The following LRRC7 variants were observed in gnomAD, a reference collection of about 807,000 sequenced individuals.
The protein encoded by LRRC7 is leucine rich repeat containing 7, also known as leucine-rich repeat-containing protein 7.
A neutral mutation model predicts 175.7 loss-of-function variants in LRRC7; 23 were observed. The observed-to-expected ratio is 0.13, with a 90% CI of 0.09 to 0.19. The LOEUF (loss-of-function observed/expected upper bound fraction) is 0.19. Ranked by LOEUF, LRRC7 falls within the 10% of genes least tolerant of loss-of-function variation. LRRC7 has a pLI of 1.00. For synonymous variants in LRRC7, 685 were observed against 680.9 expected (o/e 1.01, Z -0.09); for missense variants, 1,354 against 1,904.7 (o/e 0.71, Z 5.38).
In LRRC7 at chr1:70,016,466, T is replaced by C. The variant is rs780487431; in HGVS notation, c.1252T>C (p.Leu418=). The part of the protein sequence containing the change: ...LRVLNLSDNR[L]KNLPFSFTKL... ...ATTAGACTTTTTGTGTTTTTGCAGA[T>C]TGAAGAATTTACCATTCTCATTTAC... Residue 418 remains leucine, a splice_region_variant and synonymous_variant, in exon 14 of 27, where the codon TTG becomes CTG. Coordinates refer to ENST00000651989, the MANE Select transcript of LRRC7 (RefSeq NM_001370785.2). 1.2e-5 allele frequency: 19 copies of C among 1,581,816 alleles called. No individual in the cohort carries two copies. The highest frequency in any genetic ancestry group is 3.7e-5 in the Admixed American group (2 of 54,252).
At chr1:69,984,882 A>G (rs1045937715) in intron 9 of LRRC7, among the ~76,000 whole-genome samples, 1 of 152,208 alleles carries the variant, frequency 6.6e-6, no homozygotes, top group African/African-American at 2.4e-5. Flanking sequence ...TTCACGTGAC[A>G]TAGAAACCCT....
intron 2 of LRRC7, among the ~76,000 whole-genome samples, chr1:69,740,912 C>T (rs537630954): frequency 2.0e-5 from 3 of 151,970 alleles, no homozygotes; most frequent in African/African-American, 7.2e-5. Flanking sequence ...AGCTAATACC[C>T]TAAACAGAGC....
intron 2 of LRRC7, among the ~76,000 whole-genome samples, chr1:69,733,236 T>C (rs891543210): frequency 1.3e-5 from 2 of 151,972 alleles, no homozygotes; most frequent in Non-Finnish European, 2.9e-5. Context: ...TCAGAGCTCT[T>C]TAATGGAATT....
chr1:69,906,716 T>G (rs1646326089), intron 7 of LRRC7, among the ~76,000 whole-genome samples: 1 of 152,190 alleles, frequency 6.6e-6, no homozygotes, highest in Non-Finnish European at 1.5e-5. Flanking sequence ...TTTGTTCTTT[T>G]GGCTTAGGAT....
chr1:69,644,203 G>A (rs777179035), intron 1 of LRRC7, among the ~76,000 whole-genome samples: 8 of 151,912 alleles, frequency 5.3e-5, no homozygotes, highest in Non-Finnish European at 8.8e-5. Flanking sequence ...CATATCTTCT[G>A]TACTCTTACT....
intron 1 of LRRC7, among the ~76,000 whole-genome samples, chr1:69,621,995 C>T (rs1650692552): frequency 6.6e-6 from 1 of 152,098 alleles, no homozygotes. Context: ...TTTTTAGAGA[C>T]TCTTATATGT....
chr1:70,022,884 A>G (rs1220891514), intron 16 of LRRC7, among the ~76,000 whole-genome samples: 4 of 152,186 alleles, frequency 2.6e-5, no homozygotes, highest in Non-Finnish European at 5.9e-5. Flanking sequence ...ACTAGAGTAT[A>G]ATGCCCTACT....
intron 3 of LRRC7, among the ~76,000 whole-genome samples, chr1:69,784,962 C>T (rs1392237759): frequency 6.6e-6 from 1 of 152,022 alleles, no homozygotes; most frequent in Non-Finnish European, 1.5e-5. Flanking sequence ...GTTGAGACTT[C>T]CTTTATGTCT....
chr1:70,066,945 T>G (rs745325583), intron 23 of LRRC7, among the ~76,000 whole-genome samples: 3 of 152,122 alleles, frequency 2.0e-5, no homozygotes, highest in Non-Finnish European at 4.4e-5. Context: ...TGTAGTGATA[T>G]ATACACTTAC....
intron 2 of LRRC7, among the ~76,000 whole-genome samples, chr1:69,759,284 T>C (rs1487004462): frequency 6.6e-6 from 1 of 151,784 alleles, no homozygotes; most frequent in Non-Finnish European, 1.5e-5. Flanking sequence ...ATACATACTA[T>C]ATATCAAGTA....
intron 1 of LRRC7, among the ~76,000 whole-genome samples, chr1:69,578,975 GA>G (rs908607327): frequency 2.4e-4 from 37 of 151,488 alleles, no homozygotes; most frequent in Non-Finnish European, 4.1e-4. Context: ...GAAATGCATG[GA>G]AAAAAAAGTT....
chr1:69,644,062 G>A (rs140553054), intron 1 of LRRC7, among the ~76,000 whole-genome samples: 50 of 152,176 alleles, frequency 3.3e-4, no homozygotes, highest in African/African-American at 1.1e-3. Context: ...GGATTTCATT[G>A]TTTCAATGTC....
chr1:69,652,045 G>A lies in LRRC7; in HGVS notation c.3-26336G>A, dbSNP rs191713469. Among the ~76,000 whole-genome samples, 4 of 152,214 alleles carry A rather than the reference G, an allele frequency of 2.6e-5. 1 individual carries two copies. The highest frequency in any genetic ancestry group is 4.2e-4 in the South Asian group (2 of 4,818). ...ATCCTGCATTTCAGCTCCTGGAATGGCTACCCAAGCAACTGGTAATAGTCT... is the reference window on the plus strand; with the variant it reads ...ATCCTGCATTTCAGCTCCTGGAATGACTACCCAAGCAACTGGTAATAGTCT... On this transcript the variant is annotated intron_variant, in intron 1 of 26. Transcript: ENST00000651989.
intron 2 of LRRC7, among the ~76,000 whole-genome samples, chr1:69,682,904 GTCT>G (rs1451763719): frequency 6.6e-6 from 1 of 152,046 alleles, no homozygotes; most frequent in African/African-American, 2.4e-5. Flanking sequence ...ACAGTTTGAA[GTCT>G]TCTTTTTTGT....
At chr1:69,901,331 A>C (rs536006050) in intron 7 of LRRC7, among the ~76,000 whole-genome samples, 1 of 152,356 alleles carries the variant, frequency 6.6e-6, no homozygotes, top group South Asian at 2.1e-4. Context: ...CAGAGAAAAA[A>C]GTTTAGAATA....
chr1:69,624,823 A>C (rs1305719081), intron 1 of LRRC7, among the ~76,000 whole-genome samples: 1 of 152,132 alleles, frequency 6.6e-6, no homozygotes, highest in Non-Finnish European at 1.5e-5. Flanking sequence ...CATATGCCTA[A>C]TCACCTTCTG....
rs140145716 is a variant in LRRC7, at chr1:70,038,068, C to A, written c.2289-45C>A. On this transcript the variant is annotated intron_variant, in intron 20 of 26. Coordinates refer to ENST00000651989, the MANE Select transcript of LRRC7 (RefSeq NM_001370785.2). Reference sequence around the variant, plus strand: ...GCTTGTTCTCTTTCTGCCAAAGACCCAACTCTTCGTCCTTTTCAATTTCTT... The same window carrying A: ...GCTTGTTCTCTTTCTGCCAAAGACCAAACTCTTCGTCCTTTTCAATTTCTT... 97 of 1,541,712 alleles carry A rather than the reference C, an allele frequency of 6.3e-5. No individual in the cohort carries two copies. In the East Asian group the frequency reaches 2.2e-3, roughly 35 times the overall value.
intron 8 of LRRC7, among the ~76,000 whole-genome samples, chr1:69,939,700 C>T (rs1439464738): frequency 6.6e-6 from 1 of 152,118 alleles, no homozygotes; most frequent in South Asian, 2.1e-4. Flanking sequence ...ATTTTGACGT[C>T]ATTTTCTCCA....
In LRRC7 at chr1:69,712,235, A is replaced by AACACACAC. The variant is rs57948269; in HGVS notation, c.100+33776_100+33783dup. Among the ~76,000 whole-genome samples, 188 of 150,692 alleles carry AACACACAC rather than the reference A, an allele frequency of 1.2e-3. 1 individual carries two copies. Among genetic ancestry groups the AACACACAC allele is most frequent in the Non-Finnish European group, 3.8e-4 (26 of 67,648 alleles). On this transcript the variant is annotated intron_variant, in intron 2 of 26. Transcript: ENST00000651989. ...GGACAGTGGTAGCACTGAGAAAAAG[A>AACACACAC]ACACACACACACACACACACACACA...
Sources: allele counts gnomAD v4.1 joint callset (sites outside exome capture counted in the v4.1 genomes callset), GRCh38; gene constraint gnomAD v4.1.1; transcripts MANE v1.5; gene names NCBI Gene and HGNC (gene_info 2026-07-23, HGNC 2026-07-21).